Variants in ATF7 observed in about 807,000 individuals in gnomAD.
The protein encoded by ATF7 is cyclic AMP-dependent transcription factor ATF-7.
Under a neutral mutation model 50.4 loss-of-function variants are expected in ATF7, and 10 were observed. The ratio of observed to expected loss-of-function variants is 0.20; its 90% CI spans 0.12 to 0.34. The LOEUF (loss-of-function observed/expected upper bound fraction) is 0.34, where lower values mean the gene tolerates loss of function less well. Among genes scored for constraint, ATF7 ranks in the 10% least tolerant of loss-of-function variants. ATF7 has a pLI of 1.00. For missense variants in ATF7, 465 were observed against 613.9 expected, an observed-to-expected ratio of 0.76 and a Z score of 2.56; for synonymous variants, 201 against 226.4, an observed-to-expected ratio of 0.89 and a Z score of 1.01.
intron 10 of ATF7, among the ~76,000 whole-genome samples, chr12:53,523,734 T>C (rs948066044): frequency 1.4e-4 from 21 of 152,230 alleles, no homozygotes; most frequent in African/African-American, 4.6e-4. Flanking sequence ...GCAATGTTCA[T>C]TGCAACATTG....
intron 2 of ATF7, among the ~76,000 whole-genome samples, chr12:53,579,786 G>T (rs1045423091): frequency 1.3e-5 from 2 of 152,158 alleles, no homozygotes; most frequent in East Asian, 3.9e-4. Context: ...TGTGAAGCCT[G>T]CCAGCATGTA....
At chr12:53,605,394 A>AC (rs1395545615) in intron 1 of ATF7, among the ~76,000 whole-genome samples, 1 of 151,690 alleles carries the variant, frequency 6.6e-6, no homozygotes, top group Non-Finnish European at 1.5e-5. Context: ...TGTCTCAAAA[A>AC]AAAAAAAAAA....
chr12:53,582,911 C>A (rs1410612113), intron 2 of ATF7, among the ~76,000 whole-genome samples: 1 of 152,132 alleles, frequency 6.6e-6, no homozygotes, highest in Non-Finnish European at 1.5e-5. Flanking sequence ...TGTGAATAAA[C>A]AGAGGGTCCA....
At chr12:53,517,548 G>C in intron 11 of ATF7, 194 bp from the exon 12 acceptor site, 2 of 605,714 alleles carry the variant, frequency 3.3e-6, no homozygotes, top group East Asian at 2.8e-5. Context: ...GTTGTAAGAA[G>C]GGAAGAACTA....
At chr12:53,616,357 G>C (rs931022762) in intron 1 of ATF7, among the ~76,000 whole-genome samples, 1 of 151,938 alleles carries the variant, frequency 6.6e-6, no homozygotes, top group Non-Finnish European at 1.5e-5. Context: ...CAAGTAGCTA[G>C]GACTAAAGGC....
At chr12:53,559,298 A>G (rs374336788) in intron 2 of ATF7, among the ~76,000 whole-genome samples, 11 of 151,950 alleles carry the variant, frequency 7.2e-5, no homozygotes, top group African/African-American at 2.4e-4. Flanking sequence ...CGTGGGCTCA[A>G]AAGCAGTCCT....
intron 1 of ATF7, among the ~76,000 whole-genome samples, chr12:53,604,343 C>G (rs1048927400): frequency 6.6e-6 from 1 of 151,992 alleles, no homozygotes; most frequent in South Asian, 2.1e-4. Context: ...GAAGAAAACC[C>G]AAGATTTAGA....
chr12:53,564,408 G>A (rs1941324730), intron 2 of ATF7, among the ~76,000 whole-genome samples: 1 of 152,082 alleles, frequency 6.6e-6, no homozygotes, highest in South Asian at 2.1e-4. Flanking sequence ...AAAATACCTT[G>A]TGCAAAAAAA....
At chr12:53,610,617 C>G (rs766026255) in intron 1 of ATF7, among the ~76,000 whole-genome samples, 1 of 151,438 alleles carries the variant, frequency 6.6e-6, no homozygotes, top group Non-Finnish European at 1.5e-5. Flanking sequence ...TATTTACAAC[C>G]TCTAAAAAGT....
intron 1 of ATF7, among the ~76,000 whole-genome samples, chr12:53,623,970 A>G (rs1944500571): frequency 6.6e-6 from 1 of 152,216 alleles, no homozygotes. Context: ...CAGGGTGTAA[A>G]CTTTGATCCA....
At chr12:53,541,355 T>C (rs1939540489) in intron 4 of ATF7, among the ~76,000 whole-genome samples, 1 of 152,174 alleles carries the variant, frequency 6.6e-6, no homozygotes, top group African/African-American at 2.4e-5. Flanking sequence ...GATACAGATG[T>C]TGGAATCTTT....
At chr12:53,542,111 T>TTTTTTTTTTTTG (rs1565935531) in intron 4 of ATF7, among the ~76,000 whole-genome samples, 2 of 144,860 alleles carry the variant, frequency 1.4e-5, no homozygotes, top group African/African-American at 5.0e-5. Flanking sequence ...TGGCCTGTTT[T>TTTTTTTTTTTTG]TTTTTTTTTT....
At chr12:53,617,643 T>A (rs1457700661) in intron 1 of ATF7, among the ~76,000 whole-genome samples, 4 of 152,000 alleles carry the variant, frequency 2.6e-5, no homozygotes, top group Non-Finnish European at 5.9e-5. Context: ...AAAATTTTTT[T>A]AAATAATAAT....
At chr12:53,533,386 C>T (rs1939022412) in intron 6 of ATF7, 127 bp from the exon 7 acceptor site, 3 of 690,018 alleles carry the variant, frequency 4.3e-6, no homozygotes, top group Admixed American at 2.7e-5. Flanking sequence ...TGGTAAAAAT[C>T]TTGACACCCT....
At chr12:53,570,415 G>A (rs1941683680) in intron 2 of ATF7, among the ~76,000 whole-genome samples, 1 of 152,146 alleles carries the variant, frequency 6.6e-6, no homozygotes, top group African/African-American at 2.4e-5. Flanking sequence ...GGGGCTAAGA[G>A]GTTGGAACTT....
At chr12:53,575,686 G>T in intron 2 of ATF7, 1 of 154,810 alleles carries the variant, frequency 6.5e-6, no homozygotes. Flanking sequence ...TATACATGCA[G>T]GAGGGAAGTC....
At chr12:53,608,234 A>G (rs1019856160) in intron 1 of ATF7, among the ~76,000 whole-genome samples, 7 of 151,542 alleles carry the variant, frequency 4.6e-5, no homozygotes, top group South Asian at 2.1e-4. Context: ...AAAAAAAAAA[A>G]AAAGAAAGAA....
intron 2 of ATF7, among the ~76,000 whole-genome samples, chr12:53,561,066 C>T (rs540964044): frequency 6.6e-6 from 1 of 151,782 alleles, no homozygotes; most frequent in Admixed American, 6.6e-5. Flanking sequence ...CCACCTCAGC[C>T]TACCAAGTAG....
chr12:53,549,577 A>AT (rs963522276), intron 3 of ATF7, among the ~76,000 whole-genome samples: 6 of 151,224 alleles, frequency 4.0e-5, no homozygotes, highest in Non-Finnish European at 5.9e-5. Context: ...CTAATTTTGT[A>AT]TTTTTTTTGT....
Sources: allele counts gnomAD v4.1 joint callset (sites outside exome capture counted in the v4.1 genomes callset), GRCh38; gene constraint gnomAD v4.1.1; transcripts MANE v1.5; gene names NCBI Gene and HGNC (gene_info 2026-07-23, HGNC 2026-07-21).